EIF4G1: variants seen among roughly 807,000 people sequenced by gnomAD.
EIF4G1 encodes eukaryotic translation initiation factor 4 gamma 1, also known as EIF4-gamma.
EIF4G1 carries 4 observed loss-of-function variants against 187.8 expected under a neutral mutation model. The observed-to-expected ratio is 0.02, with a 90% CI of 0.01 to 0.05. The LOEUF (loss-of-function observed/expected upper bound fraction) is 0.05. Among genes scored for constraint, EIF4G1 ranks in the 10% least tolerant of loss-of-function variants. The probability of loss-of-function intolerance (pLI) is 1.00; values close to 1 mark genes in which losing one functional copy is unlikely to be tolerated. For missense variants in EIF4G1, 1,647 were observed against 2,081.1 expected (o/e 0.79, Z 4.06); for synonymous variants, 844 against 781.4 (o/e 1.08, Z -1.34).
chr3:184,332,140 G>A, intron 32 of EIF4G1, 54 bp downstream of exon 32: 1 of 1,613,350 alleles, frequency 6.2e-7, no homozygotes, highest in South Asian at 1.1e-5. Flanking sequence ...CCAGATAGCA[G>A]GGCATGAGAC....
chr3:184,334,467 G>T lies in EIF4G1; in HGVS notation c.4619-260G>T, dbSNP rs555531680. 6.6e-6 allele frequency among the ~76,000 whole-genome samples: 1 copy of T among 152,302 alleles called. No individual in the cohort carries two copies. The highest frequency in any genetic ancestry group is 1.9e-4 in the East Asian group (1 of 5,184). The stretch of plus-strand genomic sequence containing the variant: ...GTTTTCTCCATTAAATACATCATGG[G>T]CAGAGAGGTTTCAGGCTGCCAAGGT... On this transcript the variant is annotated intron_variant, in intron 32 of 32. Transcript: ENST00000346169. The surrounding 1 kb of genome is among the most constrained non-coding windows in gnomAD (Gnocchi z 5.8).
intron 4 of EIF4G1, chr3:184,316,595 C>T (rs1166537713): frequency 2.0e-6 from 2 of 993,540 alleles, no homozygotes; most frequent in Admixed American, 2.4e-5. Context: ...TTTCTCTGTT[C>T]CCCAGCTTCT....
chr3:184,317,923 A>G, intron 6 of EIF4G1, 107 bp downstream of exon 6: 3 of 834,028 alleles, frequency 3.6e-6, no homozygotes, highest in Non-Finnish European at 6.0e-6. Flanking sequence ...CTTCTGGTCT[A>G]AAAATGATAA....
In EIF4G1 at chr3:184,323,476, G is replaced by A; in HGVS notation, c.2157G>A (p.Val719=). The A allele has an allele frequency of 1.2e-6, 2 of 1,614,212 alleles. No individual in the cohort carries two copies. Among genetic ancestry groups the A allele is most frequent in the South Asian group, 2.2e-5 (2 of 91,086 alleles). Reference sequence around the variant, plus strand: ...AACCACGCAAGATCATTGCCACAGTGTTAATGACCGAAGATATAAAACTGA... The same window carrying A: ...AACCACGCAAGATCATTGCCACAGTATTAATGACCGAAGATATAAAACTGA... ...RKEPRKIIAT[V]LMTEDIKLNK... is the part of the protein sequence containing the mutation. Residue 719 remains valine (V), a synonymous_variant, in exon 15 of 33, where the codon GTG becomes GTA. Transcript: ENST00000346169. The surrounding 1 kb of genome is among the most constrained non-coding windows in gnomAD (Gnocchi z 6.9).
Position 184,322,058 on chromosome 3 carries a change from C to G in EIF4G1, c.1474C>G (p.Pro492Ala), listed in dbSNP as rs1723983658. 6.2e-7 allele frequency: 1 copy of G among 1,613,944 alleles called. No homozygotes were observed. Reference protein sequence around the residue: ...ELLPPESTPIPANLSQNLEAA... With the variant: ...ELLPPESTPIAANLSQNLEAA... ...GCTCCCCCCAGAGAGTACCCCTATT[C>G]CAGCCAACTTGTCTCAGAATTTGGA... The change falls in exon 10 of 33, where the codon CCA (proline) becomes GCA (alanine). Residue 492 changes from proline (P) to alanine (A), a missense_variant. Pro to Ala is a conservative substitution (Grantham distance 27). Transcript: ENST00000346169.
intron 6 of EIF4G1, among the ~76,000 whole-genome samples, chr3:184,318,868 G>T (rs1723257349): frequency 6.6e-6 from 1 of 151,968 alleles, no homozygotes; most frequent in African/African-American, 2.4e-5. Flanking sequence ...GCCTCCCAAA[G>T]TGCTGAGATT....
chr3:184,332,728 G>A (rs1166303686), intron 32 of EIF4G1, among the ~76,000 whole-genome samples: 1 of 152,038 alleles, frequency 6.6e-6, no homozygotes, highest in Admixed American at 6.5e-5. Context: ...TGAAGCGAAG[G>A]CACTATGTGT....
rs796628406 is a variant in EIF4G1, at chr3:184,318,749, C to T, written c.424+933C>T. 4.0e-5 allele frequency among the ~76,000 whole-genome samples: 6 copies of T among 151,726 alleles called. No individual in the cohort carries two copies. The South Asian group carries it at 6.3e-4, about 16-fold the overall frequency. On this transcript the variant is annotated intron_variant, in intron 6 of 32. Coordinates refer to ENST00000346169, the MANE Select transcript of EIF4G1 (RefSeq NM_198241.3). ...CCTCCCGAGTAGCTGGGATTACAGG[C>T]GTGTGCCACCACACCCAGCTAATTT...
chr3:184,315,844 C>T lies in EIF4G1; in HGVS notation c.48C>T (p.Pro16=). Residue 16 remains proline (P), a synonymous_variant, in exon 3 of 33, where the codon CCC becomes CCT. Transcript: ENST00000346169. ...QSTGPPPAPS[P]GLPQPAFPPG... is the part of the protein sequence containing the mutation. Reference sequence around the variant, plus strand: ...CAGGCCCCCCACCCGCCCCATCCCCCGGACTCCCACAGGTAATTAGGGAGG... The same window carrying T: ...CAGGCCCCCCACCCGCCCCATCCCCTGGACTCCCACAGGTAATTAGGGAGG... 1.3e-6 allele frequency: 2 copies of T among 1,540,008 alleles called. No individual in the cohort carries two copies. The highest frequency in any genetic ancestry group is 2.4e-5 in the South Asian group (2 of 83,764).
At chr3:184,330,755 T>C (rs771744571) in intron 28 of EIF4G1, among the ~76,000 whole-genome samples, 11 of 152,104 alleles carry the variant, frequency 7.2e-5, no homozygotes, top group Non-Finnish European at 1.6e-4. Context: ...TATTATTATT[T>C]TTTTGAGACA....
chr3:184,322,321 T>C (rs370498261), intron 10 of EIF4G1, 41 bp from the exon 11 acceptor site: 862 of 1,591,288 alleles, frequency 5.4e-4, no homozygotes, highest in Non-Finnish European at 6.9e-4. Context: ...CCTTAAATTA[T>C]TGGCAAAGAT....
chr3:184,333,743 T>G (rs1179718486), intron 32 of EIF4G1, among the ~76,000 whole-genome samples: 1 of 152,204 alleles, frequency 6.6e-6, no homozygotes, highest in African/African-American at 2.4e-5. Context: ...GTAGACAAAA[T>G]ATTTTATTAG....
rs1229113100 is a variant in EIF4G1 at position 184,335,083 on chromosome 3, C to T, written c.*175C>T. On this transcript the variant is annotated 3_prime_UTR_variant, in exon 33 of 33. Transcript: ENST00000346169. ...ATGGCTTGGGGCTGCCTGGGCCCCC[C>T]TCCAGGATGCCGCCAGGTGTCCCTC... is the stretch of plus-strand genomic sequence containing the variant. 8 of 775,452 alleles carry T rather than the reference C, an allele frequency of 1.0e-5. No individual in the cohort carries two copies. The East Asian group carries it at 1.4e-4, about 13-fold the overall frequency. 48.0% of individuals were successfully genotyped at this position (775,452 alleles called of 1,614,324 possible). A position where few individuals can be genotyped will look rare whatever the true frequency, so the allele number is the denominator to read the frequency against.
At chr3:184,324,179 T>C in intron 16 of EIF4G1, 22 bp from the exon 17 acceptor site, 3 of 1,614,224 alleles carry the variant, frequency 1.9e-6, no homozygotes, top group Non-Finnish European at 2.5e-6. Flanking sequence ...GTCTTGAGTG[T>C]GACATTCTCT....
intron 22 of EIF4G1, 29 bp downstream of exon 22, chr3:184,326,658 G>GT (rs1724974668): frequency 1.2e-6 from 2 of 1,605,030 alleles, no homozygotes. Context: ...GAGCTGGGTG[G>GT]TTACCCGTCA....
chr3:184,325,170 A>T lies in EIF4G1; in HGVS notation c.2856+56A>T, dbSNP rs1577222861. The T allele has an allele frequency of 1.9e-6, 3 of 1,601,586 alleles. No individual in the cohort carries two copies. The East Asian group carries it at 6.7e-5, about 36-fold the overall frequency. On this transcript the variant is annotated intron_variant, in intron 18 of 32. Coordinates refer to ENST00000346169, the MANE Select transcript of EIF4G1 (RefSeq NM_198241.3). This position sits in a 1 kb window ranked among gnomAD's most constrained non-coding sequence, Gnocchi z 5.2. The stretch of plus-strand genomic sequence containing the variant: ...GCTGAAGCATATGTGGGGCTCACTG[A>T]GCCCACAATGATGGGGCGGAAGGCC...
rs765342313 is a variant in EIF4G1, at chr3:184,321,521, C to T, written c.937C>T (p.Leu313Phe). 7 of 1,614,192 alleles carry T rather than the reference C, an allele frequency of 4.3e-6. No homozygotes were observed. Among genetic ancestry groups the T allele is most frequent in the Non-Finnish European group, 5.9e-6 (7 of 1,180,030 alleles). Residue 313 changes from leucine (L) to phenylalanine (F), a missense_variant, in exon 10 of 33, where the codon CTC becomes TTC. Around this residue, in one of 11 missense-constraint regions of EIF4G1, gnomAD observed 522 missense variants for 485.2 expected, o/e 1.08. Transcript: ENST00000346169. ...CCGTGAAACTGGGGAGCCATATCGC[C>T]TCTCTCCAGAACCCACTCCTCTCGC... The part of the protein sequence containing the change: ...ISRETGEPYR[L>F]SPEPTPLAEP...
chr3:184,323,665 CT>C lies in EIF4G1; in HGVS notation c.2274+77del, dbSNP rs1353934888. 1.2e-6 allele frequency: 2 copies of C among 1,611,032 alleles called. No individual in the cohort carries two copies. Among genetic ancestry groups the C allele is most frequent in the East Asian group, 4.5e-5 (2 of 44,858 alleles). The stretch of plus-strand genomic sequence containing the variant: ...TCTGCCATCTGTGCCCTCTTTGCTT[CT>C]TTTTGTCCTTATCACTAGCATCTGT... On this transcript the variant is annotated intron_variant, in intron 15 of 32. Coordinates refer to ENST00000346169, the MANE Select transcript of EIF4G1 (RefSeq NM_198241.3). This position sits in a 1 kb window ranked among gnomAD's most constrained non-coding sequence, Gnocchi z 6.9.
Position 184,331,967 on chromosome 3 carries a change from A to G in EIF4G1, c.4499A>G (p.Asp1500Gly), listed in dbSNP as rs1726203469. The G allele has an allele frequency of 6.2e-7, 1 of 1,614,052 alleles. No individual in the cohort carries two copies. Among genetic ancestry groups the G allele is most frequent in the African/African-American group, 1.3e-5 (1 of 74,910 alleles). ...GTAGTTGAGACTCCCCTCCGAGTGG[A>G]CGTTGCAGTGCTGAAAGCGCGAGCG... ...AIIFETPLRVDVAVLKARAKL... is the reference protein window; with the variant it reads ...AIIFETPLRVGVAVLKARAKL... The change falls in exon 32 of 33, where the codon GAC becomes GGC. Residue 1500 changes from aspartate (D) to glycine (G), a missense_variant. Around this residue, in one of 11 missense-constraint regions of EIF4G1, gnomAD observed 543 missense variants for 638.0 expected, o/e 0.85. Transcript: ENST00000346169.
Sources: gnomAD v4.1 joint callset for allele counts (sites outside exome capture counted in the v4.1 genomes callset) on GRCh38, gnomAD v4.1.1 for gene constraint, gnomAD v4.1.1 regional missense constraint, Gnocchi (gnomAD v3.1) non-coding constraint, MANE v1.5 for transcripts, NCBI Gene and HGNC (gene_info 2026-07-23, HGNC 2026-07-21) for gene names.